Variants in PDE3A observed in about 807,000 individuals in gnomAD.
PDE3A encodes the protein cGMP-inhibited 3',5'-cyclic phosphodiesterase 3A.
PDE3A carries 43 observed loss-of-function variants against 98.3 expected under a neutral mutation model. The ratio of observed to expected loss-of-function variants is 0.44; its 90% CI spans 0.34 to 0.56. PDE3A has a LOEUF of 0.56. Ranked by LOEUF, PDE3A falls within the 20% of genes least tolerant of loss-of-function variation. PDE3A has a pLI of 0.01. For synonymous variants in PDE3A, 663 were observed against 567.9 expected (o/e 1.17, Z -2.38); for missense variants, 1,427 against 1,440.7 (o/e 0.99, Z 0.15).
At chr12:20,370,711 A>C (rs977987471) in intron 1 of PDE3A, among the ~76,000 whole-genome samples, 10 of 152,346 alleles carry the variant, frequency 6.6e-5, no homozygotes, top group Admixed American at 2.0e-4. Context: ...AAATGATATT[A>C]AACATTTATG....
At chr12:20,414,316 T>C (rs779894944) in intron 1 of PDE3A, among the ~76,000 whole-genome samples, 28 of 152,056 alleles carry the variant, frequency 1.8e-4, no homozygotes, top group Non-Finnish European at 3.2e-4. Context: ...TAGAGGTGAA[T>C]TTAGGGCAGA....
rs149991420 is a variant in PDE3A at position 20,605,794 on chromosome 12, C to G, written c.1012-7649C>G. 8.3e-3 allele frequency among the ~76,000 whole-genome samples: 1,266 copies of G among 152,288 alleles called. 16 individuals carry two copies. The highest frequency in any genetic ancestry group is 0.029 in the African/African-American group (1,201 of 41,550). ...TGTTTCAGCATTTGTAACCTATCTT[C>G]AAGTTTCATGTAGACTTACGAAGAG... On this transcript the variant is annotated intron_variant, in intron 2 of 15. Transcript: ENST00000359062.
chr12:20,509,527 T>G (rs549942315), intron 1 of PDE3A, among the ~76,000 whole-genome samples: 1 of 152,192 alleles, frequency 6.6e-6, no homozygotes, highest in South Asian at 2.1e-4. Context: ...TTTTTAAAGT[T>G]TTTTTTCAGT....
intron 1 of PDE3A, among the ~76,000 whole-genome samples, chr12:20,501,776 G>T (rs1174916938): frequency 6.6e-6 from 1 of 152,040 alleles, no homozygotes; most frequent in African/African-American, 2.4e-5. Flanking sequence ...ATCAAAAAAG[G>T]ATTCTAGATT....
chr12:20,663,989 TG>T (rs1162778538), intron 15 of PDE3A, among the ~76,000 whole-genome samples: 1 of 152,070 alleles, frequency 6.6e-6, no homozygotes, highest in Non-Finnish European at 1.5e-5. Context: ...AATTGAATCA[TG>T]GGGGTGGTTA....
rs1193319347 is a variant in PDE3A at position 20,651,489 on chromosome 12, T to C, written c.2925+889T>C. Among the ~76,000 whole-genome samples the C allele has an allele frequency of 2.6e-5, 4 of 152,176 alleles. No individual in the cohort carries two copies. The East Asian group carries it at 7.7e-4, about 29-fold the overall frequency. On this transcript the variant is annotated intron_variant, in intron 14 of 15. Transcript: ENST00000359062. Reference sequence around the variant, plus strand: ...TGCTGTGGAGATTAAAGAAGATAAATTATATAACATACTTAGCACAGGATC... The same window carrying C: ...TGCTGTGGAGATTAAAGAAGATAAACTATATAACATACTTAGCACAGGATC...
intron 1 of PDE3A, among the ~76,000 whole-genome samples, chr12:20,502,118 A>G (rs1333465803): frequency 6.6e-6 from 1 of 152,178 alleles, no homozygotes; most frequent in Non-Finnish European, 1.5e-5. Flanking sequence ...CCTTAGATGT[A>G]TTTTGTATGA....
intron 2 of PDE3A, among the ~76,000 whole-genome samples, chr12:20,585,489 A>G (rs1208322133): frequency 6.6e-6 from 1 of 152,208 alleles, no homozygotes; most frequent in African/African-American, 2.4e-5. Flanking sequence ...ATTGAATATC[A>G]TGTAATGCTA....
At chr12:20,570,322 C>T (rs139864304) in intron 2 of PDE3A, among the ~76,000 whole-genome samples, 1 of 140,446 alleles carries the variant, frequency 7.1e-6, no homozygotes, top group Non-Finnish European at 1.5e-5. Context: ...GCAGGAGAAT[C>T]TCTTGAACCC....
chr12:20,660,407 G>C (rs1255892251), intron 15 of PDE3A, among the ~76,000 whole-genome samples: 1 of 152,178 alleles, frequency 6.6e-6, no homozygotes, highest in African/African-American at 2.4e-5. Context: ...AGCAACTTTG[G>C]AACACAGTAA....
Position 20,441,684 on chromosome 12 carries a change from T to C in PDE3A, c.960+71440T>C, listed in dbSNP as rs192449588. Among the ~76,000 whole-genome samples the C allele has an allele frequency of 1.3e-3, 201 of 152,286 alleles. 1 individual carries two copies. The highest frequency in any genetic ancestry group is 2.4e-3 in the Non-Finnish European group (166 of 68,008). On this transcript the variant is annotated intron_variant, in intron 1 of 15. Transcript: ENST00000359062. ...TGGTATTTGGTACTACAGGGAAGGA[T>C]GGATATTTCATTCTGTAAGCTGTGG... is the stretch of plus-strand genomic sequence containing the variant.
chr12:20,484,177 C>A (rs1591978482), intron 1 of PDE3A, among the ~76,000 whole-genome samples: 1 of 152,174 alleles, frequency 6.6e-6, no homozygotes, highest in African/African-American at 2.4e-5. Context: ...TTCTGCAATA[C>A]ATACAAATTT....
intron 1 of PDE3A, among the ~76,000 whole-genome samples, chr12:20,520,009 G>A (rs536959832): frequency 1.3e-5 from 2 of 152,242 alleles, no homozygotes; most frequent in South Asian, 4.1e-4. Context: ...ATTTAAAGAA[G>A]TTTGCCTAAG....
At chr12:20,454,127 C>T (rs2120898429) in intron 1 of PDE3A, among the ~76,000 whole-genome samples, 1 of 152,334 alleles carries the variant, frequency 6.6e-6, no homozygotes, top group South Asian at 2.1e-4. Flanking sequence ...CGTGTTGTAA[C>T]ACTTTCCCCA....
chr12:20,526,392 TA>T (rs1349834196), intron 1 of PDE3A, among the ~76,000 whole-genome samples: 4 of 152,228 alleles, frequency 2.6e-5, no homozygotes, highest in Non-Finnish European at 5.9e-5. Context: ...TGCCTGTGAT[TA>T]AATTTTTGAA....
In PDE3A at chr12:20,675,879, A is replaced by G. The variant is rs555791388; in HGVS notation, c.3185-4151A>G. 1.7e-4 allele frequency among the ~76,000 whole-genome samples: 26 copies of G among 152,294 alleles called. No homozygotes were observed. The South Asian group carries it at 4.4e-3, about 25-fold the overall frequency. On this transcript the variant is annotated intron_variant, in intron 15 of 15. Transcript: ENST00000359062. ...TTACTTCTAGTCTGTATCTGTGTACAGGTGAGATGAGCTTCTTAGCACATA... is the reference window on the plus strand; with the variant it reads ...TTACTTCTAGTCTGTATCTGTGTACGGGTGAGATGAGCTTCTTAGCACATA...
At chr12:20,637,064 C>T (rs1944530309) in intron 8 of PDE3A, 36 bp from the exon 9 acceptor site, 2 of 1,471,376 alleles carry the variant, frequency 1.4e-6, no homozygotes, top group Non-Finnish European at 1.8e-6. Context: ...AGAAAAACTG[C>T]ATGCTGTTTA....
In PDE3A at chr12:20,527,495, A is replaced by C. The variant is rs200188180; in HGVS notation, c.961-29165A>C. 3.9e-5 allele frequency among the ~76,000 whole-genome samples: 6 copies of C among 152,204 alleles called. No individual in the cohort carries two copies. The East Asian group carries it at 1.2e-3, about 29-fold the overall frequency. ...TAGAAAGGCTATGAGCTTGATGCACAGTTTCTTTTCTTTTTCCTGGGTCCT... is the reference window on the plus strand; with the variant it reads ...TAGAAAGGCTATGAGCTTGATGCACCGTTTCTTTTCTTTTTCCTGGGTCCT... On this transcript the variant is annotated intron_variant, in intron 1 of 15. Coordinates refer to ENST00000359062, the MANE Select transcript of PDE3A (RefSeq NM_000921.5).
chr12:20,680,059 T>C lies in PDE3A; in HGVS notation c.3214T>C (p.Tyr1072His), dbSNP rs757595719. ...GAAGACTTTCAAAAGGAGAAAAATC[T>C]ACTGCCAAATAACTCAGCACCTCTT... ...KKKTFKRRKI[Y>H]CQITQHLLQN... The change falls in exon 16 of 16, where the codon TAC becomes CAC. Residue 1072 changes from tyrosine to histidine, a missense_variant. Physicochemically the swap from Tyr to His is moderately conservative, Grantham distance 83. Transcript: ENST00000359062. The C allele has an allele frequency of 6.2e-7, 1 of 1,602,634 alleles. No individual in the cohort carries two copies. The highest frequency in any genetic ancestry group is 1.1e-5 in the South Asian group (1 of 90,314).
Sources: allele counts gnomAD v4.1 joint callset (sites outside exome capture counted in the v4.1 genomes callset), GRCh38; gene constraint gnomAD v4.1.1; transcripts MANE v1.5; gene names NCBI Gene and HGNC (gene_info 2026-07-23, HGNC 2026-07-21).